Variants in EPS15 observed in about 807,000 individuals in gnomAD.
EPS15 encodes the protein epidermal growth factor receptor substrate 15.
In EPS15, 72 loss-of-function variants were observed where a neutral mutation model predicts 113.8. That is an observed-to-expected ratio of 0.63 (90% confidence interval 0.52 to 0.77). The LOEUF (loss-of-function observed/expected upper bound fraction) is 0.77. Among genes scored for constraint, EPS15 ranks in the 30% least tolerant of loss-of-function variants. The probability of loss-of-function intolerance (pLI) is 0.00; values close to 1 mark genes in which losing one functional copy is unlikely to be tolerated. For missense variants in EPS15, 1,048 were observed against 1,045.8 expected, an observed-to-expected ratio of 1.00 and a Z score of -0.03; for synonymous variants, 344 against 363.4, an observed-to-expected ratio of 0.95 and a Z score of 0.61.
intron 13 of EPS15, among the ~76,000 whole-genome samples, chr1:51,413,759 AT>A (rs1199264957): frequency 6.6e-6 from 1 of 152,000 alleles, no homozygotes; most frequent in Non-Finnish European, 1.5e-5. Context: ...ATATACCTTT[AT>A]TTTTTTAAGA....
chr1:51,493,903 C>T (rs1025260904), intron 1 of EPS15, among the ~76,000 whole-genome samples: 4 of 152,116 alleles, frequency 2.6e-5, no homozygotes, highest in African/African-American at 7.2e-5. Flanking sequence ...GCATGAGCCA[C>T]GGTGCCCAGC....
chr1:51,363,967 G>T lies in EPS15; in HGVS notation c.2258C>A (p.Thr753Lys). 3 of 1,613,750 alleles carry T rather than the reference G, an allele frequency of 1.9e-6. No individual in the cohort carries two copies. Among genetic ancestry groups the T allele is most frequent in the Non-Finnish European group, 8.5e-7 (1 of 1,179,820 alleles). Residue 753 changes from threonine to lysine, a missense_variant, in exon 23 of 25, where the codon ACA becomes AAA. Thr to Lys is a moderately conservative substitution (Grantham distance 78, BLOSUM62 -1). Coordinates refer to ENST00000371733, the MANE Select transcript of EPS15 (RefSeq NM_001981.3). ...TSSSVSNVVITKNVFEETSVK... is the reference protein window; with the variant it reads ...TSSSVSNVVIKKNVFEETSVK... ...CGATGTTTCCTCAAATACATTTTTT[G>T]TAATCACTACGTTGCTGACAGAGCT...
intron 12 of EPS15, among the ~76,000 whole-genome samples, chr1:51,431,002 A>C: frequency 6.7e-6 from 1 of 149,422 alleles, no homozygotes. Context: ...ACACACACAC[A>C]CACACACACA....
intron 1 of EPS15, among the ~76,000 whole-genome samples, chr1:51,508,274 A>AAGAAAGAG (rs1644544272): frequency 1.7e-5 from 2 of 121,180 alleles, no homozygotes; most frequent in African/African-American, 7.2e-5. Flanking sequence ...GAGAGAGAGA[A>AAGAAAGAG]AGAGAGAAAG....
At chr1:51,388,337 T>A (rs1340488422) in intron 21 of EPS15, among the ~76,000 whole-genome samples, 1 of 152,116 alleles carries the variant, frequency 6.6e-6, no homozygotes, top group Non-Finnish European at 1.5e-5. Context: ...AGAGGGAAAT[T>A]TATAGCACTA....
chr1:51,377,408 G>T (rs777583128), intron 21 of EPS15, among the ~76,000 whole-genome samples: 1 of 152,182 alleles, frequency 6.6e-6, no homozygotes, highest in Non-Finnish European at 1.5e-5. Flanking sequence ...TGCAGACGTG[G>T]TACAAATTAG....
At chr1:51,402,836 T>C (rs1398148699) in intron 17 of EPS15, among the ~76,000 whole-genome samples, 1 of 151,676 alleles carries the variant, frequency 6.6e-6, no homozygotes, top group African/African-American at 2.4e-5. Context: ...ACCTGGGAGG[T>C]GGAGGTTGCA....
intron 12 of EPS15, among the ~76,000 whole-genome samples, chr1:51,431,541 G>A (rs1222274975): frequency 6.6e-6 from 1 of 151,962 alleles, no homozygotes; most frequent in African/African-American, 2.4e-5. Flanking sequence ...TGCCTCCCGG[G>A]TTCAAGCAGT....
At chr1:51,367,546 G>A (rs1301498650) in intron 21 of EPS15, among the ~76,000 whole-genome samples, 2 of 151,268 alleles carry the variant, frequency 1.3e-5, no homozygotes, top group Non-Finnish European at 3.0e-5. Flanking sequence ...GAGCGTGTCT[G>A]TCTCCAACAA....
intron 10 of EPS15, among the ~76,000 whole-genome samples, chr1:51,446,453 CT>C (rs370161989): frequency 0.022 from 2,846 of 132,160 alleles, 20 homozygotes; most frequent in Non-Finnish European, 0.033. Context: ...CACTGTCATT[CT>C]TTTTTTTTTT....
At chr1:51,415,290 C>G (rs1337484780) in intron 13 of EPS15, among the ~76,000 whole-genome samples, 1 of 152,156 alleles carries the variant, frequency 6.6e-6, no homozygotes, top group African/African-American at 2.4e-5. Context: ...AGAGCAAACA[C>G]ATTCATTCAA....
intron 21 of EPS15, among the ~76,000 whole-genome samples, chr1:51,366,566 G>A (rs1275470952): frequency 6.6e-6 from 1 of 152,078 alleles, no homozygotes; most frequent in East Asian, 1.9e-4. Flanking sequence ...ATAAAGTAAT[G>A]ATTTATAGGT....
chr1:51,450,263 G>A (rs1245636190), intron 8 of EPS15, among the ~76,000 whole-genome samples: 3 of 151,712 alleles, frequency 2.0e-5, no homozygotes, highest in East Asian at 1.9e-4. Context: ...ATTTTAGTCC[G>A]TTTTTGTATT....
At chr1:51,482,759 C>A (rs1206156379) in intron 1 of EPS15, among the ~76,000 whole-genome samples, 1 of 152,014 alleles carries the variant, frequency 6.6e-6, no homozygotes, top group Admixed American at 6.5e-5. Flanking sequence ...AGCCACCACA[C>A]CCGGCCTTAG....
intron 21 of EPS15, among the ~76,000 whole-genome samples, chr1:51,388,845 G>A (rs1471286542): frequency 3.3e-5 from 5 of 151,958 alleles, no homozygotes. Flanking sequence ...CAACCAAAAA[G>A]AGTCCAGGAC....
chr1:51,438,886 A>C (rs1652367673), intron 12 of EPS15, among the ~76,000 whole-genome samples: 1 of 151,604 alleles, frequency 6.6e-6, no homozygotes, highest in Admixed American at 6.6e-5. Context: ...TTTTTCCGTG[A>C]GTAAGGACAA....
At chr1:51,457,580 C>G (rs2148495036) in intron 8 of EPS15, 1 of 125,710 alleles carries the variant, frequency 8.0e-6, no homozygotes, top group East Asian at 2.5e-4. Context: ...GGACCCAAGT[C>G]TAAACATGAA....
At chr1:51,391,295 C>A (rs1647329463) in intron 21 of EPS15, among the ~76,000 whole-genome samples, 1 of 151,918 alleles carries the variant, frequency 6.6e-6, no homozygotes, top group African/African-American at 2.4e-5. Context: ...AGGGGAACAT[C>A]ACACACCATG....
intron 13 of EPS15, among the ~76,000 whole-genome samples, 160 bp downstream of exon 13, chr1:51,421,626 G>A (rs897226311): frequency 6.6e-6 from 1 of 152,022 alleles, no homozygotes; most frequent in Non-Finnish European, 1.5e-5. Flanking sequence ...AGAATTCCAA[G>A]CAAGAACAAT....
Sources: gnomAD v4.1 joint callset for allele counts (sites outside exome capture counted in the v4.1 genomes callset) on GRCh38, gnomAD v4.1.1 for gene constraint, MANE v1.5 for transcripts, NCBI Gene and HGNC (gene_info 2026-07-23, HGNC 2026-07-21) for gene names.